CYTH1: variants seen among roughly 807,000 people sequenced by gnomAD.
CYTH1 encodes the protein cytohesin 1.
Under a neutral mutation model 61.8 loss-of-function variants are expected in CYTH1, and 18 were observed. That is an observed-to-expected ratio of 0.29 (90% CI 0.20 to 0.43). The LOEUF (loss-of-function observed/expected upper bound fraction) is 0.43, where lower values mean the gene tolerates loss of function less well. CYTH1 is among the 20% of genes least tolerant of loss of function. The pLI, the probability that CYTH1 is intolerant of heterozygous loss-of-function variation, is 1.00. For missense variants in CYTH1, 336 were observed against 510.5 expected, an observed-to-expected ratio of 0.66 and a Z score of 3.29; for synonymous variants, 174 against 184.3, an observed-to-expected ratio of 0.94 and a Z score of 0.45.
At chr17:78,771,429 G>A (rs1324902520) in intron 1 of CYTH1, among the ~76,000 whole-genome samples, 1 of 151,382 alleles carries the variant, frequency 6.6e-6, no homozygotes, top group African/African-American at 2.4e-5. Context: ...GACACAGCAA[G>A]ACTGTCTCAA....
At chr17:78,765,327 CTA>C (rs978089835) in intron 1 of CYTH1, among the ~76,000 whole-genome samples, 12 of 152,094 alleles carry the variant, frequency 7.9e-5, no homozygotes, top group Middle Eastern at 6.3e-3. Flanking sequence ...GTTGGAATCC[CTA>C]TTTCTTTTGG....
Position 78,712,779 on chromosome 17 carries a change from TG to T in CYTH1, c.23-3048del, listed in dbSNP as rs2093147739. Among the ~76,000 whole-genome samples the T allele has an allele frequency of 3.9e-5, 6 of 152,300 alleles. No homozygotes were observed. The South Asian group carries it at 1.2e-3, about 32-fold the overall frequency. ...TGAAAAACACTCTTCCTTTAGAGGCTGGAAGAGACAGCCACTCTAAAGATCC... is the reference window on the plus strand; with the variant it reads ...TGAAAAACACTCTTCCTTTAGAGGCTGAAGAGACAGCCACTCTAAAGATCC... On this transcript the variant is annotated intron_variant, in intron 1 of 13. Coordinates refer to ENST00000446868, the MANE Select transcript of CYTH1 (RefSeq NM_004762.6).
intron 2 of CYTH1, chr17:78,709,406 T>C (rs1327455210): frequency 2.1e-6 from 1 of 484,258 alleles, no homozygotes; most frequent in Non-Finnish European, 3.7e-6. Flanking sequence ...TTGCAGGCTA[T>C]CTCCAGCTCC....
At chr17:78,747,079 A>G (rs2093362118) in intron 1 of CYTH1, among the ~76,000 whole-genome samples, 1 of 151,542 alleles carries the variant, frequency 6.6e-6, no homozygotes, top group South Asian at 2.1e-4. Flanking sequence ...ACAAAGGTCA[A>G]GAAAACAAAG....
Position 78,760,507 on chromosome 17 carries a change from GTATATA to G in CYTH1, c.22+21689_22+21694del, listed in dbSNP as rs538557662. On this transcript the variant is annotated intron_variant, in intron 1 of 13. Coordinates refer to ENST00000446868, the MANE Select transcript of CYTH1 (RefSeq NM_004762.6). ...TATGTATATATATATACATATATAT[GTATATA>G]TATGTATATATATATATACATACAT... 5.7e-3 allele frequency among the ~76,000 whole-genome samples: 162 copies of G among 28,504 alleles called. 50 individuals carry two copies. The highest frequency in any genetic ancestry group is 7.3e-3 in the Non-Finnish European group (109 of 14,838). The allele number at this position is 28,504 out of a possible 152,430, so 18.7% of individuals were successfully genotyped here.
At chr17:78,768,486 C>T (rs1036834338) in intron 1 of CYTH1, among the ~76,000 whole-genome samples, 3 of 152,208 alleles carry the variant, frequency 2.0e-5, no homozygotes, top group African/African-American at 7.2e-5. Context: ...GTCCTATTCT[C>T]AGTATGGAAA....
intron 1 of CYTH1, among the ~76,000 whole-genome samples, chr17:78,780,817 G>A (rs973153820): frequency 2.6e-5 from 4 of 152,144 alleles, no homozygotes; most frequent in Non-Finnish European, 5.9e-5. Context: ...GACCAGCCTG[G>A]CCAACATGGC....
intron 10 of CYTH1, among the ~76,000 whole-genome samples, chr17:78,693,580 C>G (rs1000710204): frequency 9.3e-5 from 14 of 149,852 alleles, no homozygotes; most frequent in Admixed American, 4.7e-4. Flanking sequence ...AAGATTGCAC[C>G]ACTGCACTCC....
intron 1 of CYTH1, among the ~76,000 whole-genome samples, chr17:78,739,716 C>G (rs1246204337): frequency 2.0e-5 from 3 of 152,138 alleles, no homozygotes; most frequent in Admixed American, 1.3e-4. Flanking sequence ...AGACTGGAGA[C>G]AGCCAGCACA....
chr17:78,721,704 C>G (rs908429980), intron 1 of CYTH1, among the ~76,000 whole-genome samples: 18 of 152,198 alleles, frequency 1.2e-4, no homozygotes, highest in Non-Finnish European at 2.6e-4. Context: ...AGTTTCCTCA[C>G]TTATGTAATG....
At position 78,736,670 on chromosome 17, in the gene CYTH1, G is replaced by A. The variant is rs534089103; in HGVS notation, c.23-26938C>T. On this transcript the variant is annotated intron_variant, in intron 1 of 13. Coordinates refer to ENST00000446868, the MANE Select transcript of CYTH1 (RefSeq NM_004762.6). ...ACCCCAAGCCGCATCAGTCCCGGCC[G>A]GGGGCTGCGGCTTTGACTCACCGTC... 7.9e-5 allele frequency: 30 copies of A among 380,422 alleles called. No homozygotes were observed. In the East Asian group the frequency reaches 1.1e-3, roughly 13 times the overall value. The allele number at this position is 380,422 out of a possible 1,614,324, so 23.6% of individuals were successfully genotyped here.
intron 1 of CYTH1, among the ~76,000 whole-genome samples, chr17:78,780,225 T>C (rs1173387513): frequency 6.6e-6 from 1 of 152,148 alleles, no homozygotes; most frequent in Non-Finnish European, 1.5e-5. Context: ...TTTCTTTTAA[T>C]CACAAAAGGA....
At chr17:78,708,603 T>C (rs1228470954) in intron 2 of CYTH1, among the ~76,000 whole-genome samples, 1 of 152,218 alleles carries the variant, frequency 6.6e-6, no homozygotes, top group African/African-American at 2.4e-5. Context: ...TGCAGCTTAC[T>C]AAACACAAGC....
Position 78,675,854 on chromosome 17 carries a change from G to T in CYTH1, c.*237C>A. Reference sequence around the variant, plus strand: ...GCCCTGCCGACAAGAGCTCTGCCCTGTGAGAGAGGAAGGCTCTGGAGCCCA... The same window carrying T: ...GCCCTGCCGACAAGAGCTCTGCCCTTTGAGAGAGGAAGGCTCTGGAGCCCA... On this transcript the variant is annotated 3_prime_UTR_variant, in exon 14 of 14. Coordinates refer to ENST00000446868, the MANE Select transcript of CYTH1 (RefSeq NM_004762.6). 2.1e-6 allele frequency: 3 copies of T among 1,457,054 alleles called. No homozygotes were observed. Among genetic ancestry groups the T allele is most frequent in the Non-Finnish European group, 2.7e-6 (3 of 1,103,402 alleles). 90.3% of individuals were successfully genotyped at this position (1,457,054 alleles called of 1,614,324 possible).
Position 78,715,152 on chromosome 17 carries a change from C to T in CYTH1, c.23-5420G>A, listed in dbSNP as rs553548203. ...AATTCAGAAGTTCCAGGAATAAAGA[C>T]GATCCTAAAACCTCCACAGAGGTTA... is the stretch of plus-strand genomic sequence containing the variant. On this transcript the variant is annotated intron_variant, in intron 1 of 13. Transcript: ENST00000446868. Among the ~76,000 whole-genome samples the T allele has an allele frequency of 7.2e-5, 11 of 152,206 alleles. No individual in the cohort carries two copies. The South Asian group carries it at 2.3e-3, about 32-fold the overall frequency.
intron 9 of CYTH1, among the ~76,000 whole-genome samples, chr17:78,696,353 C>T (rs897232490): frequency 2.0e-5 from 3 of 152,192 alleles, no homozygotes; most frequent in Admixed American, 2.0e-4. Flanking sequence ...GCAAAGAAAG[C>T]TAAGGTTATT....
chr17:78,739,386 AC>A (rs1402709461), intron 1 of CYTH1, among the ~76,000 whole-genome samples: 1 of 152,224 alleles, frequency 6.6e-6, no homozygotes, highest in Non-Finnish European at 1.5e-5. Context: ...AGGTGGGGAA[AC>A]AAGTAAGTAA....
chr17:78,742,761 A>T (rs2093346270), intron 1 of CYTH1, among the ~76,000 whole-genome samples: 1 of 152,200 alleles, frequency 6.6e-6, no homozygotes, highest in African/African-American at 2.4e-5. Flanking sequence ...AGGCTGAGGC[A>T]GGAGAATCAC....
rs111676731 is a variant in CYTH1 at position 78,775,435 on chromosome 17, T to C, written c.22+6767A>G. ...TTGGACCTCAATGCTTCTCGAAATA[T>C]GCGAATGAACAACTTTCTTGAATGT... On this transcript the variant is annotated intron_variant, in intron 1 of 13. Coordinates refer to ENST00000446868, the MANE Select transcript of CYTH1 (RefSeq NM_004762.6). Among the ~76,000 whole-genome samples, 404 of 152,316 alleles carry C rather than the reference T, an allele frequency of 2.7e-3. 4 individuals carry two copies. Among genetic ancestry groups the C allele is most frequent in the African/African-American group, 9.2e-3 (383 of 41,562 alleles).
Sources: allele counts gnomAD v4.1 joint callset (sites outside exome capture counted in the v4.1 genomes callset), GRCh38; gene constraint gnomAD v4.1.1; transcripts MANE v1.5; gene names NCBI Gene and HGNC (gene_info 2026-07-23, HGNC 2026-07-21).